Variants in SANBR observed in about 807,000 individuals in gnomAD.
SANBR encodes the protein SANT and BTB domain regulator of class switch recombination.
SANBR carries 77 observed loss-of-function variants against 101.8 expected under a neutral mutation model. The observed-to-expected ratio is 0.76, with a 90% confidence interval of 0.63 to 0.91. SANBR has a LOEUF of 0.91. SANBR is among the 40% of genes least tolerant of loss of function. The pLI, the probability that SANBR is intolerant of heterozygous loss-of-function variation, is 0.00. For missense variants in SANBR, 875 were observed against 853.0 expected (o/e 1.03, Z -0.32); for synonymous variants, 279 against 274.7 (o/e 1.02, Z -0.15).
chr2:61,129,277 C>G (rs1573682225), downstream of SANBR, among the ~76,000 whole-genome samples: 1 of 151,884 alleles, frequency 6.6e-6, no homozygotes, highest in Admixed American at 6.6e-5. Flanking sequence ...AACCCCATCT[C>G]TACTAAAAAT....
chr2:61,133,256 C>CA (rs1027653199), intron 20 of SANBR, among the ~76,000 whole-genome samples: 28 of 145,996 alleles, frequency 1.9e-4, no homozygotes, highest in Non-Finnish European at 2.4e-4. Context: ...GACTCTGTCT[C>CA]AAAAAAAAAA....
chr2:61,092,838 A>C lies in SANBR; in HGVS notation c.1212+251A>C, dbSNP rs796281589. ...TGACATAGTGAGACTCCATCTCTTA[A>C]AAAAATGAAACTAGGCCCGGTATGG... On this transcript the variant is annotated intron_variant, in intron 11 of 21. Transcript: ENST00000402291. 5.9e-5 allele frequency among the ~76,000 whole-genome samples: 9 copies of C among 152,160 alleles called. 1 individual carries two copies. The highest frequency in any genetic ancestry group is 1.9e-4 in the African/African-American group (8 of 41,506).
Position 61,097,861 on chromosome 2 carries a change from T to G in SANBR, c.1365+9T>G. ...CTACTCAGCTTACAAAGGTGAATTT[T>G]GAATATTGCCCTTAGTAGCTACAGT... is the stretch of plus-strand genomic sequence containing the variant. On this transcript the variant is annotated intron_variant, in intron 12 of 21. Transcript: ENST00000402291. The G allele has an allele frequency of 6.2e-7, 1 of 1,607,738 alleles. No individual in the cohort carries two copies. Among genetic ancestry groups the G allele is most frequent in the Admixed American group, 1.7e-5 (1 of 59,320 alleles).
chr2:61,117,220 TA>T, intron 17 of SANBR, 136 bp from the exon 18 acceptor site: 1 of 795,340 alleles, frequency 1.3e-6, no homozygotes, highest in Non-Finnish European at 2.2e-6. Context: ...GTGCAAGGTT[TA>T]AATGAAATAG....
chr2:61,121,394 A>G, intron 21 of SANBR, 118 bp downstream of exon 21: 1 of 599,856 alleles, frequency 1.7e-6, no homozygotes, highest in Non-Finnish European at 2.9e-6. Context: ...GTTTTGTTTC[A>G]ATGATTATAT....
At chr2:61,086,283 C>T (rs1682423728) in intron 8 of SANBR, among the ~76,000 whole-genome samples, 1 of 151,988 alleles carries the variant, frequency 6.6e-6, no homozygotes, top group Non-Finnish European at 1.5e-5. Context: ...CCACCTTGAT[C>T]TCCCAAAGTT....
chr2:61,077,242 A>C, intron 6 of SANBR, 84 bp downstream of exon 6: 1 of 936,734 alleles, frequency 1.1e-6, no homozygotes, highest in South Asian at 1.5e-5. Context: ...AAATGTGGAA[A>C]ATTGTTTGGA....
At chr2:61,074,365 C>G (rs1424955460) in intron 5 of SANBR, among the ~76,000 whole-genome samples, 2 of 152,110 alleles carry the variant, frequency 1.3e-5, no homozygotes, top group African/African-American at 4.8e-5. Context: ...AAAATTCACC[C>G]TTTTAAAGTG....
rs1318686333 is a variant in SANBR, at chr2:61,123,103, A to G, written c.*941A>G. The stretch of plus-strand genomic sequence containing the variant: ...AAAAATCAAAATAAAATTCTATTTT[A>G]TAAATCATGTTTAAATTTTTCTAGC... On this transcript the variant is annotated 3_prime_UTR_variant, in exon 22 of 22. Transcript: ENST00000402291. 9 of 971,412 alleles carry G rather than the reference A, an allele frequency of 9.3e-6. No homozygotes were observed. Among genetic ancestry groups the G allele is most frequent in the East Asian group, 1.1e-4 (1 of 8,850 alleles). 60.2% of individuals were successfully genotyped at this position (971,412 alleles called of 1,614,324 possible). A position where few individuals can be genotyped will look rare whatever the true frequency, so the allele number is the denominator to read the frequency against.
chr2:61,100,277 G>A (rs1683221708), intron 12 of SANBR, among the ~76,000 whole-genome samples: 1 of 152,094 alleles, frequency 6.6e-6, no homozygotes, highest in African/African-American at 2.4e-5. Context: ...GCTAATTTTT[G>A]TATTCTTAGT....
At chr2:61,127,841 C>A (rs892313332), downstream of SANBR, among the ~76,000 whole-genome samples, 8 of 152,066 alleles carry the variant, frequency 5.3e-5, no homozygotes, top group Non-Finnish European at 1.0e-4. Flanking sequence ...TGAAGACTTT[C>A]CAAATCTGAT....
At chr2:61,134,018 C>A in intron 20 of SANBR, 2 of 1,463,760 alleles carry the variant, frequency 1.4e-6, no homozygotes, top group Non-Finnish European at 9.3e-7. Flanking sequence ...AGAAATATAA[C>A]CCACAATCTC....
chr2:61,071,617 G>A lies in SANBR; in HGVS notation c.162G>A (p.Arg54=). 1 of 1,555,296 alleles carries A rather than the reference G, an allele frequency of 6.4e-7. No homozygotes were observed. The highest frequency in any genetic ancestry group is 8.6e-7 in the Non-Finnish European group (1 of 1,159,162). ...TTATATTATGACAGTGTGCAAAAAG[G>A]TTTGATGAATTAAAGAGCAGTGGAA... ...PGLTPKECAK[R]FDELKSSGSS... The change falls in exon 4 of 22, where the codon AGG becomes AGA. Residue 54 remains arginine, a synonymous_variant. Coordinates refer to ENST00000402291, the MANE Select transcript of SANBR (RefSeq NM_001129993.3).
rs903118806 is a variant in SANBR at position 61,098,178 on chromosome 2, A to C, written c.1365+326A>C. ...GAGTGCAGTGGTGCCATCTCGGCTC[A>C]CTCCAGCCTCTGCCTCCCAGGCTCA... is the stretch of plus-strand genomic sequence containing the variant. On this transcript the variant is annotated intron_variant, in intron 12 of 21. Transcript: ENST00000402291. Among the ~76,000 whole-genome samples the C allele has an allele frequency of 4.1e-4, 60 of 147,362 alleles. 1 individual carries two copies. The highest frequency in any genetic ancestry group is 1.5e-3 in the African/African-American group (59 of 40,008).
chr2:61,112,768 C>T (rs1033175144), intron 16 of SANBR, among the ~76,000 whole-genome samples: 1 of 152,226 alleles, frequency 6.6e-6, no homozygotes. Context: ...GCTGGGATTA[C>T]AGGCATGAGC....
At chr2:61,084,668 A>G (rs1047225912) in intron 8 of SANBR, among the ~76,000 whole-genome samples, 4 of 152,108 alleles carry the variant, frequency 2.6e-5, no homozygotes, top group African/African-American at 4.8e-5. Context: ...AGCAAGGAGG[A>G]TATACTTTAG....
chr2:61,077,767 T>G (rs1020335032), intron 6 of SANBR, among the ~76,000 whole-genome samples: 3 of 152,234 alleles, frequency 2.0e-5, no homozygotes, highest in Non-Finnish European at 2.9e-5. Flanking sequence ...AAAGCACTTG[T>G]GCGATTATTT....
intron 8 of SANBR, among the ~76,000 whole-genome samples, chr2:61,085,441 CTGTT>C (rs1053845102): frequency 1.3e-5 from 2 of 151,900 alleles, no homozygotes; most frequent in African/African-American, 4.8e-5. Context: ...TATGTGAAGT[CTGTT>C]TCCGAATTGT....
chr2:61,090,677 T>G (rs1172002273), intron 10 of SANBR: 1 of 153,644 alleles, frequency 6.5e-6, no homozygotes, highest in African/African-American at 2.4e-5. Flanking sequence ...TCACCATGCC[T>G]GGCAACCTGG....
Sources: allele counts gnomAD v4.1 joint callset (sites outside exome capture counted in the v4.1 genomes callset), GRCh38; gene constraint gnomAD v4.1.1; transcripts MANE v1.5; gene names NCBI Gene and HGNC (gene_info 2026-07-23, HGNC 2026-07-21).